CYFIP2: variants seen among roughly 807,000 people sequenced by gnomAD.
CYFIP2 encodes cytoplasmic FMR1 interacting protein 2, also known as cytoplasmic FMR1-interacting protein 2.
In CYFIP2, 29 loss-of-function variants were observed where a neutral mutation model predicts 158.7. The ratio of observed to expected loss-of-function variants is 0.18; its 90% CI spans 0.14 to 0.25. The LOEUF (loss-of-function observed/expected upper bound fraction) is 0.25, where lower values mean the gene tolerates loss of function less well. CYFIP2 is among the 10% of genes least tolerant of loss of function. CYFIP2 has a pLI of 1.00. For missense variants in CYFIP2, 852 were observed against 1,639.5 expected (o/e 0.52, Z 8.29); for synonymous variants, 585 against 617.6 (o/e 0.95, Z 0.78).
intron 23 of CYFIP2, among the ~76,000 whole-genome samples, chr5:157,346,120 C>T (rs1241476438): frequency 6.6e-6 from 1 of 151,764 alleles, no homozygotes; most frequent in African/African-American, 2.4e-5. Flanking sequence ...TGGTACTGGT[C>T]AAGACCCTTT....
At chr5:157,293,112 A>G (rs957754547) in intron 3 of CYFIP2, among the ~76,000 whole-genome samples, 1 of 152,020 alleles carries the variant, frequency 6.6e-6, no homozygotes, top group Non-Finnish European at 1.5e-5. Context: ...CTGGAATGCA[A>G]TGGCGCAATC....
At position 157,358,077 on chromosome 5, in the gene CYFIP2, T is replaced by C. The variant is rs1035892456; in HGVS notation, c.2674-928T>C. Among the ~76,000 whole-genome samples the C allele has an allele frequency of 2.6e-5, 4 of 152,148 alleles. 1 individual carries two copies. Among genetic ancestry groups the C allele is most frequent in the Admixed American group, 2.0e-4 (3 of 15,272 alleles). ...ATTTGTCGGGTGGATTAAACAATAG[T>C]GCACCTGGAGGGTTTCACAAAGCCT... On this transcript the variant is annotated intron_variant, in intron 23 of 30. Transcript: ENST00000620254.
intron 23 of CYFIP2, among the ~76,000 whole-genome samples, chr5:157,354,456 C>T (rs1038998836): frequency 6.6e-6 from 1 of 152,090 alleles, no homozygotes; most frequent in Non-Finnish European, 1.5e-5. Context: ...CTCAATAGGG[C>T]CCAGCCTCCT....
intron 26 of CYFIP2, among the ~76,000 whole-genome samples, chr5:157,369,879 G>GTTTTTTTTTT (rs1554120265): frequency 7.7e-5 from 8 of 103,290 alleles, no homozygotes; most frequent in Non-Finnish European, 1.2e-4. Flanking sequence ...AATGGACCTA[G>GTTTTTTTTTT]TTTTTTTTTT....
chr5:157,371,029 A>G (rs573154), intron 26 of CYFIP2, among the ~76,000 whole-genome samples: 116,877 of 152,168 alleles, frequency 0.77, 46,156 homozygotes, highest in African/African-American at 0.94. Flanking sequence ...AGGAGCAGAG[A>G]CAGCGTCTCT....
At chr5:157,298,890 G>A (rs1205889662) in intron 5 of CYFIP2, among the ~76,000 whole-genome samples, 1 of 152,204 alleles carries the variant, frequency 6.6e-6, no homozygotes, top group African/African-American at 2.4e-5. Flanking sequence ...GTTACAGCGT[G>A]TATCAGAATT....
chr5:157,296,836 C>T (rs1219609981), intron 5 of CYFIP2, 62 bp downstream of exon 5: 2 of 1,324,652 alleles, frequency 1.5e-6, no homozygotes, highest in Non-Finnish European at 2.1e-6. Context: ...TTTCTAACCA[C>T]TGGGGTCTGC....
At chr5:157,305,825 A>G (rs1581019496) in intron 8 of CYFIP2, among the ~76,000 whole-genome samples, 1 of 152,142 alleles carries the variant, frequency 6.6e-6, no homozygotes, top group African/African-American at 2.4e-5. Flanking sequence ...TACTTTCAGC[A>G]TTTTTATGTA....
At chr5:157,328,191 T>C (rs955782665) in intron 19 of CYFIP2, 142 bp downstream of exon 19, 64 of 762,830 alleles carry the variant, frequency 8.4e-5, no homozygotes, top group African/African-American at 7.0e-4. Context: ...GGTGCTGAGA[T>C]AGAGTGGAAA....
At chr5:157,322,004 C>T (rs947888272) in intron 15 of CYFIP2, among the ~76,000 whole-genome samples, 1 of 152,102 alleles carries the variant, frequency 6.6e-6, no homozygotes, top group African/African-American at 2.4e-5. Flanking sequence ...GAGGAGGGGA[C>T]TTAACAGGCA....
chr5:157,343,201 G>A (rs10214194), intron 23 of CYFIP2: 294,258 of 1,613,970 alleles, frequency 0.18, 29,551 homozygotes, highest in African/African-American at 0.34. Context: ...GCACCCAAAG[G>A]GAGATCTGGG....
At position 157,367,080 on chromosome 5, in the gene CYFIP2, G is replaced by A. The variant is rs531158155; in HGVS notation, c.3039+5482G>A. Among the ~76,000 whole-genome samples the A allele has an allele frequency of 6.6e-5, 10 of 152,192 alleles. No individual in the cohort carries two copies. In the South Asian group the frequency reaches 1.7e-3, roughly 25 times the overall value. ...TTAGAGTGGACCACAGAAACACTCC[G>A]GTCAGTCATTTGAGAGCATTACTGC... is the stretch of plus-strand genomic sequence containing the variant. On this transcript the variant is annotated intron_variant, in intron 26 of 30. Transcript: ENST00000620254.
At chr5:157,359,894 T>C (rs1293932179) in intron 24 of CYFIP2, among the ~76,000 whole-genome samples, 1 of 152,214 alleles carries the variant, frequency 6.6e-6, no homozygotes, top group Non-Finnish European at 1.5e-5. Context: ...GAAAATGTGG[T>C]AATTGATTAA....
In CYFIP2 at chr5:157,341,170, GC is replaced by G; in HGVS notation, c.2673+16del. The G allele has an allele frequency of 6.2e-7, 1 of 1,610,788 alleles. No homozygotes were observed. Among genetic ancestry groups the G allele is most frequent in the Non-Finnish European group, 8.5e-7 (1 of 1,176,980 alleles). On this transcript the variant is annotated intron_variant, in intron 23 of 30. Transcript: ENST00000620254. ...CTATGGATCCAAGGTAAGTAGTCCT[GC>G]CCTACCCTGCCTAGAAGAGGGTTGG...
At chr5:157,314,942 C>T (rs371957942) in intron 12 of CYFIP2, 27 bp from the exon 13 acceptor site, 350 of 1,535,042 alleles carry the variant, frequency 2.3e-4, no homozygotes, top group Non-Finnish European at 2.8e-4. Flanking sequence ...AGTTGATGGA[C>T]GTTTGGTTTG....
intron 17 of CYFIP2, 95 bp downstream of exon 17, chr5:157,325,733 G>T (rs1760970204): frequency 7.4e-7 from 1 of 1,353,990 alleles, no homozygotes; most frequent in South Asian, 1.7e-5. Flanking sequence ...GAAGCACTGA[G>T]TTGACAAGAA....
At chr5:157,291,585 G>A (rs1382544024) in intron 3 of CYFIP2, among the ~76,000 whole-genome samples, 4 of 152,336 alleles carry the variant, frequency 2.6e-5, no homozygotes. Context: ...AAGTAGACAC[G>A]TGTTCCTTAC....
chr5:157,324,362 TACAG>T (rs1760843167), intron 16 of CYFIP2, among the ~76,000 whole-genome samples: 1 of 152,148 alleles, frequency 6.6e-6, no homozygotes, highest in East Asian at 1.9e-4. Flanking sequence ...AATACGTACA[TACAG>T]ACACACGGAT....
chr5:157,386,845 G>A (rs571368576), intron 28 of CYFIP2, among the ~76,000 whole-genome samples: 6 of 151,792 alleles, frequency 4.0e-5, no homozygotes, highest in South Asian at 4.2e-4. Flanking sequence ...GCTCGAACCC[G>A]GGAGGTGGAG....
Sources: gnomAD v4.1 joint callset for allele counts (sites outside exome capture counted in the v4.1 genomes callset) on GRCh38, gnomAD v4.1.1 for gene constraint, MANE v1.5 for transcripts, NCBI Gene and HGNC (gene_info 2026-07-23, HGNC 2026-07-21) for gene names.